Variants in DMC1 observed in about 807,000 individuals in gnomAD.
DMC1 encodes meiotic recombination protein DMC1 homolog.
A neutral mutation model predicts 50.1 loss-of-function variants in DMC1; 27 were observed. The ratio of observed to expected loss-of-function variants is 0.54; its 90% CI spans 0.40 to 0.74. The LOEUF is 0.74. DMC1 is among the 30% of genes least tolerant of loss of function. The pLI, the probability that DMC1 is intolerant of heterozygous loss-of-function variation, is 0.00. For synonymous variants in DMC1, 148 were observed against 136.1 expected, an observed-to-expected ratio of 1.09 and a Z score of -0.61; for missense variants, 295 against 420.2, an observed-to-expected ratio of 0.70 and a Z score of 2.60.
At chr22:38,532,947 C>A (rs1389038660) in intron 12 of DMC1, among the ~76,000 whole-genome samples, 3 of 151,974 alleles carry the variant, frequency 2.0e-5, no homozygotes, top group Admixed American at 6.6e-5. Context: ...CTAGTGAATT[C>A]TCAGAATATT....
At chr22:38,564,274 C>A (rs1024927630) in intron 4 of DMC1, among the ~76,000 whole-genome samples, 4 of 152,152 alleles carry the variant, frequency 2.6e-5, no homozygotes, top group Non-Finnish European at 4.4e-5. Context: ...AGTTCAAGCC[C>A]AGACTGGGCA....
At chr22:38,564,222 T>C (rs2090558440) in intron 4 of DMC1, among the ~76,000 whole-genome samples, 2 of 152,152 alleles carry the variant, frequency 1.3e-5, no homozygotes, top group Admixed American at 6.5e-5. Flanking sequence ...TGTAGTCCCA[T>C]GTACTTCAGA....
At chr22:38,564,150 T>C (rs1481089594) in intron 4 of DMC1, among the ~76,000 whole-genome samples, 1 of 152,052 alleles carries the variant, frequency 6.6e-6, no homozygotes. Context: ...GCCAGGGTGA[T>C]AGAGTGAGAC....
rs1465071842 is a variant in DMC1 at position 38,537,644 on chromosome 22, C to A, written c.784G>T (p.Val262Leu). 6.2e-7 allele frequency: 1 copy of A among 1,613,434 alleles called. No individual in the cohort carries two copies. The highest frequency in any genetic ancestry group is 2.2e-5 in the East Asian group (1 of 44,872). Residue 262 changes from valine (V) to leucine (L), a missense_variant, in exon 12 of 14, where the codon GTG becomes TTG. Val to Leu is a conservative substitution (Grantham distance 32, BLOSUM62 1). Coordinates refer to ENST00000216024, the MANE Select transcript of DMC1 (RefSeq NM_007068.4). ...RLQKISEEYNVAVFVTNQMTA... is the reference protein window; with the variant it reads ...RLQKISEEYNLAVFVTNQMTA... ...ATTTGATTGGTCACAAAAACAGCCA[C>A]GTTATATTCTGCATCAAGAGATAAA...
Position 38,562,286 on chromosome 22 carries a change from C to G in DMC1, c.326+1G>C. 6.3e-7 allele frequency: 1 copy of G among 1,596,424 alleles called. No homozygotes were observed. On this transcript the variant is annotated splice_donor_variant, in intron 5 of 13. Transcript: ENST00000216024. LOFTEE classifies it high-confidence loss of function. Reference sequence around the variant, plus strand: ...TGATTATAAAAAAGTAAGATACATACTCAAATTCCTGGCTCCCGGTGGTGA... The same window carrying G: ...TGATTATAAAAAAGTAAGATACATAGTCAAATTCCTGGCTCCCGGTGGTGA...
intron 12 of DMC1, among the ~76,000 whole-genome samples, chr22:38,534,898 C>T (rs533814169): frequency 9.9e-5 from 15 of 151,456 alleles, no homozygotes; most frequent in South Asian, 6.2e-4. Flanking sequence ...CCTAGCTACT[C>T]GGGAGGCTGA....
At chr22:38,564,156 G>A (rs1454306537) in intron 4 of DMC1, among the ~76,000 whole-genome samples, 1 of 152,204 alleles carries the variant, frequency 6.6e-6, no homozygotes, top group Admixed American at 6.5e-5. Flanking sequence ...GTGATAGAGT[G>A]AGACCTTGTC....
At chr22:38,524,120 G>T (rs1240146237) in intron 12 of DMC1, among the ~76,000 whole-genome samples, 1 of 152,050 alleles carries the variant, frequency 6.6e-6, no homozygotes, top group African/African-American at 2.4e-5. Flanking sequence ...ACTTTATAAA[G>T]AAAATAAGGG....
At chr22:38,515,476 CAA>C (rs71197116), downstream of DMC1, among the ~76,000 whole-genome samples, 14 of 102,732 alleles carry the variant, frequency 1.4e-4, no homozygotes, top group Admixed American at 2.1e-4. Flanking sequence ...AAATCCCTCT[CAA>C]AAAAAAAAAA....
the DMC1 span, among the ~76,000 whole-genome samples, chr22:38,513,846 G>A: frequency 1.3e-5 from 2 of 152,234 alleles, no homozygotes; most frequent in Non-Finnish European, 1.5e-5. Flanking sequence ...GATTATAGGC[G>A]CGGGCCACTG....
intron 4 of DMC1, among the ~76,000 whole-genome samples, chr22:38,563,239 T>G (rs1240859663): frequency 1.3e-5 from 2 of 152,212 alleles, no homozygotes; most frequent in Non-Finnish European, 2.9e-5. Context: ...TACTACTTAT[T>G]GACTGATTAA....
In DMC1 at chr22:38,568,180, T is replaced by C. The variant is rs2090600258; in HGVS notation, c.51+26A>G. On this transcript the variant is annotated intron_variant, in intron 2 of 13. Coordinates refer to ENST00000216024, the MANE Select transcript of DMC1 (RefSeq NM_007068.4). ...TTTTTGCGGAATGATCGAATGTCTA[T>C]ATATCTTTCAACATTTTAGTCATAC... The C allele has an allele frequency of 2.5e-6, 4 of 1,606,828 alleles. 1 individual carries two copies. The highest frequency in any genetic ancestry group is 2.7e-5 in the African/African-American group (2 of 74,918).
intron 6 of DMC1, among the ~76,000 whole-genome samples, chr22:38,555,118 C>T (rs1402673082): frequency 6.6e-6 from 1 of 151,528 alleles, no homozygotes; most frequent in Non-Finnish European, 1.5e-5. Context: ...CTATTATCTT[C>T]TATAGGAATC....
At chr22:38,568,717 C>T (rs1422160582) in intron 1 of DMC1, among the ~76,000 whole-genome samples, 1 of 152,122 alleles carries the variant, frequency 6.6e-6, no homozygotes, top group Non-Finnish European at 1.5e-5. Flanking sequence ...TCCTTGTGTC[C>T]TCCCTGACAC....
At chr22:38,559,878 C>T (rs192402466) in intron 5 of DMC1, among the ~76,000 whole-genome samples, 18 of 151,766 alleles carry the variant, frequency 1.2e-4, no homozygotes, top group Non-Finnish European at 2.1e-4. Flanking sequence ...ATTAGCCGGG[C>T]GTGGTGGCGG....
chr22:38,537,743 G>T, intron 11 of DMC1, 91 bp from the exon 12 acceptor site: 1 of 894,610 alleles, frequency 1.1e-6, no homozygotes, highest in Non-Finnish European at 1.8e-6. Flanking sequence ...TAGACATATT[G>T]CATCATGAAT....
chr22:38,529,615 CAT>C (rs1413323983), intron 12 of DMC1, among the ~76,000 whole-genome samples: 1 of 152,044 alleles, frequency 6.6e-6, no homozygotes, highest in Non-Finnish European at 1.5e-5. Flanking sequence ...GGTCATGAAA[CAT>C]ATATAGAGTT....
At chr22:38,534,326 G>T (rs1306452770) in intron 12 of DMC1, among the ~76,000 whole-genome samples, 2 of 152,178 alleles carry the variant, frequency 1.3e-5, no homozygotes, top group Non-Finnish European at 2.9e-5. Context: ...GAGATATGCT[G>T]AAGTATTAAG....
chr22:38,519,765 A>G lies in DMC1; in HGVS notation c.*255T>C. 2.3e-6 allele frequency: 1 copy of G among 432,836 alleles called. No individual in the cohort carries two copies. The highest frequency in any genetic ancestry group is 2.1e-5 in the South Asian group (1 of 47,876). The allele number at this position is 432,836 out of a possible 1,614,324, so 26.8% of individuals were successfully genotyped here. On this transcript the variant is annotated 3_prime_UTR_variant, in exon 14 of 14. Coordinates refer to ENST00000216024, the MANE Select transcript of DMC1 (RefSeq NM_007068.4). Reference sequence around the variant, plus strand: ...ATTTCAATAGGTATATATATCTACTATATATGTCAGGTATACACACACAAA... The same window carrying G: ...ATTTCAATAGGTATATATATCTACTGTATATGTCAGGTATACACACACAAA...
Sources: gnomAD v4.1 joint callset for allele counts (sites outside exome capture counted in the v4.1 genomes callset) on GRCh38, gnomAD v4.1.1 for gene constraint, MANE v1.5 for transcripts, NCBI Gene and HGNC (gene_info 2026-07-23, HGNC 2026-07-21) for gene names.